The following GATAD2A variants were observed in gnomAD, a reference collection of about 807,000 sequenced individuals.
GATAD2A encodes the protein GATA zinc finger domain containing 2A.
Under a neutral mutation model 68.5 loss-of-function variants are expected in GATAD2A, and 12 were observed. The ratio of observed to expected loss-of-function variants is 0.18; its 90% CI spans 0.11 to 0.28. The LOEUF is 0.28. Among genes scored for constraint, GATAD2A ranks in the 10% least tolerant of loss-of-function variants. The pLI, the probability that GATAD2A is intolerant of heterozygous loss-of-function variation, is 1.00. For synonymous variants in GATAD2A, 410 were observed against 375.3 expected (o/e 1.09, Z -1.07); for missense variants, 755 against 868.5 (o/e 0.87, Z 1.64).
At position 19,505,843 on chromosome 19, in the gene GATAD2A, CTG is replaced by C. The variant is rs1221800354; in HGVS notation, c.*372_*373del. On this transcript the variant is annotated 3_prime_UTR_variant, in exon 12 of 12. Coordinates refer to ENST00000683918, the MANE Select transcript of GATAD2A (RefSeq NM_001384528.1). Reference sequence around the variant, plus strand: ...GCACACGGGCGGCTCACCCTGGACACTGTGATGCGCATGGGCAAGGCCAGCGC... The same window carrying C: ...GCACACGGGCGGCTCACCCTGGACACTGATGCGCATGGGCAAGGCCAGCGC... The C allele has an allele frequency of 1.7e-5, 7 of 410,656 alleles. No homozygotes were observed. The highest frequency in any genetic ancestry group is 1.1e-4 in the South Asian group (1 of 9,334). The allele number at this position is 410,656 out of a possible 1,614,324, so 25.4% of individuals were successfully genotyped here. A position where few individuals can be genotyped will look rare whatever the true frequency, so the allele number is the denominator to read the frequency against.
intron 3 of GATAD2A, 27 bp from the exon 4 acceptor site, chr19:19,492,554 T>TCAACCCTGTTCCTCTCGCC: frequency 1.2e-6 from 2 of 1,613,866 alleles, no homozygotes; most frequent in Non-Finnish European, 1.7e-6. Flanking sequence ...ACGCTCCCTC[T>TCAACCCTGTTCCTCTCGCC]CAACCCTGTT....
chr19:19,454,829 CAATT>C (rs1368161788), intron 1 of GATAD2A, among the ~76,000 whole-genome samples: 1 of 150,962 alleles, frequency 6.6e-6, no homozygotes, highest in Non-Finnish European at 1.5e-5. Context: ...TGTTCCAACA[CAATT>C]GATGTGTTAG....
chr19:19,423,401 C>T (rs997920838), intron 1 of GATAD2A, among the ~76,000 whole-genome samples: 14 of 152,260 alleles, frequency 9.2e-5, no homozygotes, highest in Non-Finnish European at 1.9e-4. Flanking sequence ...TGCAGCATTT[C>T]AGTCATCACA....
intron 1 of GATAD2A, among the ~76,000 whole-genome samples, chr19:19,438,732 C>A (rs1241568290): frequency 6.6e-6 from 1 of 152,230 alleles, no homozygotes; most frequent in Admixed American, 6.5e-5. Context: ...AGAGGCCACC[C>A]CAGGTTTTCC....
chr19:19,499,203 G>A (rs1365476437), intron 8 of GATAD2A, among the ~76,000 whole-genome samples: 1 of 152,164 alleles, frequency 6.6e-6, no homozygotes, highest in African/African-American at 2.4e-5. Flanking sequence ...CTGTGTCCTG[G>A]GGGATTTAGG....
At chr19:19,407,744 A>G (rs766028440) in intron 1 of GATAD2A, among the ~76,000 whole-genome samples, 8 of 152,216 alleles carry the variant, frequency 5.3e-5, no homozygotes, top group African/African-American at 1.7e-4. Context: ...GAACTGAACT[A>G]CAGAGTTAGT....
Position 19,445,914 on chromosome 19 carries a change from G to C in GATAD2A, c.-6-19426G>C, listed in dbSNP as rs542625564. ...ATTTTTTTTTGAATACCTATATTCA[G>C]CTCTCTTGGATATACCTACAAGTGG... On this transcript the variant is annotated intron_variant, in intron 1 of 11. Transcript: ENST00000683918. Among the ~76,000 whole-genome samples, 4 of 152,088 alleles carry C rather than the reference G, an allele frequency of 2.6e-5. No individual in the cohort carries two copies. The East Asian group carries it at 7.7e-4, about 29-fold the overall frequency.
chr19:19,440,673 G>A (rs1044902017), intron 1 of GATAD2A: 2 of 152,904 alleles, frequency 1.3e-5, no homozygotes, highest in African/African-American at 2.4e-5. Flanking sequence ...TCATGTACGT[G>A]CTTCACATAA....
At chr19:19,431,279 T>C (rs772857480) in intron 1 of GATAD2A, among the ~76,000 whole-genome samples, 1 of 150,884 alleles carries the variant, frequency 6.6e-6, no homozygotes, top group Non-Finnish European at 1.5e-5. Flanking sequence ...TGAGTGGTCT[T>C]CTGCTTGGTT....
At chr19:19,404,632 G>C (rs1445456235), upstream of GATAD2A, among the ~76,000 whole-genome samples, 1 of 152,134 alleles carries the variant, frequency 6.6e-6, no homozygotes, top group Non-Finnish European at 1.5e-5. Flanking sequence ...AGTGAGCCGA[G>C]ATAGCGCCAC....
At chr19:19,496,942 T>C (rs2148446695) in intron 7 of GATAD2A, among the ~76,000 whole-genome samples, 1 of 152,350 alleles carries the variant, frequency 6.6e-6, no homozygotes, top group Middle Eastern at 3.4e-3. Flanking sequence ...CTGGGCAGTG[T>C]CCCTGCCTGC....
intron 2 of GATAD2A, among the ~76,000 whole-genome samples, chr19:19,470,807 TCATA>T (rs2058247771): frequency 6.6e-6 from 1 of 152,136 alleles, no homozygotes; most frequent in African/African-American, 2.4e-5. Flanking sequence ...CTGGAATTCC[TCATA>T]CATTGCTGGT....
rs144464958 is a variant in GATAD2A at position 19,441,668 on chromosome 19, T to G, written c.-6-23672T>G. 5.8e-3 allele frequency: 1,041 copies of G among 178,294 alleles called. 23 individuals carry two copies. Among genetic ancestry groups the G allele is most frequent in the South Asian group, 0.037 (488 of 13,030 alleles). 11.0% of individuals were successfully genotyped at this position (178,294 alleles called of 1,614,324 possible). On this transcript the variant is annotated intron_variant, in intron 1 of 11. Transcript: ENST00000683918. ...GCTCCGCCTCCCAGGTTCATGCCAT[T>G]CTCCTGCCTCAGCCTCCCCAACAGT...
intron 1 of GATAD2A, among the ~76,000 whole-genome samples, chr19:19,388,279 A>G (rs2048595689): frequency 6.6e-6 from 1 of 151,700 alleles, no homozygotes; most frequent in African/African-American, 2.4e-5. Context: ...GTGGTCTCGA[A>G]CTCCCAACCT....
chr19:19,486,536 C>T (rs1207215746), intron 2 of GATAD2A, among the ~76,000 whole-genome samples: 17 of 152,322 alleles, frequency 1.1e-4, no homozygotes, highest in Admixed American at 9.8e-4. Context: ...AGGATGCTCC[C>T]GCCCCACCAA....
chr19:19,505,967 TGAAA>T lies in GATAD2A; in HGVS notation c.*496_*499del, dbSNP rs1228446685. 3 of 398,440 alleles carry T rather than the reference TGAAA, an allele frequency of 7.5e-6. No homozygotes were observed. Among genetic ancestry groups the T allele is most frequent in the African/African-American group, 6.2e-5 (3 of 48,026 alleles). The allele number at this position is 398,440 out of a possible 1,614,324, so 24.7% of individuals were successfully genotyped here. A position where few individuals can be genotyped will look rare whatever the true frequency, so the allele number is the denominator to read the frequency against. ...TGCCTTCCCATGGCGATCTATAAGT[TGAAA>T]GATTTTTTTTTTTTTTAATCACCTC... On this transcript the variant is annotated 3_prime_UTR_variant, in exon 12 of 12. Coordinates refer to ENST00000683918, the MANE Select transcript of GATAD2A (RefSeq NM_001384528.1).
At chr19:19,464,381 C>T (rs1314375684) in intron 1 of GATAD2A, among the ~76,000 whole-genome samples, 2 of 152,210 alleles carry the variant, frequency 1.3e-5, no homozygotes, top group Admixed American at 6.5e-5. Flanking sequence ...GTGCCCTGTC[C>T]TGTTGGGACG....
chr19:19,412,839 G>A (rs1222418746), intron 1 of GATAD2A, among the ~76,000 whole-genome samples: 3 of 152,160 alleles, frequency 2.0e-5, no homozygotes, highest in African/African-American at 7.2e-5. Context: ...AGGTGGGCAG[G>A]TTTTAGGCCA....
At chr19:19,441,266 G>A (rs1221176799) in intron 1 of GATAD2A, among the ~76,000 whole-genome samples, 1 of 152,088 alleles carries the variant, frequency 6.6e-6, no homozygotes, top group African/African-American at 2.4e-5. Flanking sequence ...TGGTTTCAGG[G>A]TAACAATATT....
Sources: allele counts gnomAD v4.1 joint callset (sites outside exome capture counted in the v4.1 genomes callset), GRCh38; gene constraint gnomAD v4.1.1; transcripts MANE v1.5; gene names NCBI Gene and HGNC (gene_info 2026-07-23, HGNC 2026-07-21).